The following ATF6 variants were observed in gnomAD, a reference collection of about 807,000 sequenced individuals.
ATF6 encodes the protein activating transcription factor 6.
Under a neutral mutation model 83.6 loss-of-function variants are expected in ATF6, and 53 were observed. That is an observed-to-expected ratio of 0.63 (90% CI 0.51 to 0.80). The LOEUF is 0.80. ATF6 is among the 30% of genes least tolerant of loss of function. The probability of loss-of-function intolerance (pLI) is 0.00; values close to 1 mark genes in which losing one functional copy is unlikely to be tolerated. For missense variants in ATF6, 744 were observed against 797.9 expected (o/e 0.93, Z 0.81); for synonymous variants, 288 against 285.8 (o/e 1.01, Z -0.08).
intron 7 of ATF6, among the ~76,000 whole-genome samples, chr1:161,814,757 T>G (rs1222062960): frequency 6.6e-6 from 1 of 152,094 alleles, no homozygotes; most frequent in Non-Finnish European, 1.5e-5. Context: ...ATGAGAAAAA[T>G]AAGTGTACGT....
chr1:161,813,717 AC>A (rs1327301175), intron 7 of ATF6, among the ~76,000 whole-genome samples: 1 of 152,106 alleles, frequency 6.6e-6, no homozygotes. Flanking sequence ...ATGTAAATAC[AC>A]CCTACAAGGT....
intron 15 of ATF6, among the ~76,000 whole-genome samples, chr1:161,913,959 T>A (rs952786742): frequency 6.6e-6 from 1 of 152,226 alleles, no homozygotes; most frequent in Non-Finnish European, 1.5e-5. Context: ...ACCAACAAGA[T>A]GCTGTTTGAC....
intron 1 of ATF6, among the ~76,000 whole-genome samples, chr1:161,776,316 G>A (rs781067237): frequency 1.6e-4 from 24 of 152,110 alleles, no homozygotes; most frequent in Admixed American, 9.8e-4. Context: ...GGGGCATGCT[G>A]GCATCTTTGC....
intron 14 of ATF6, among the ~76,000 whole-genome samples, chr1:161,906,658 T>A (rs2880056): frequency 0.15 from 22,217 of 152,198 alleles, 2,216 homozygotes; most frequent in East Asian, 0.33. Context: ...GTATTAAGTG[T>A]CAAAAGTTTC....
chr1:161,807,604 G>C (rs1277790631), intron 7 of ATF6, among the ~76,000 whole-genome samples: 2 of 152,022 alleles, frequency 1.3e-5, no homozygotes, highest in African/African-American at 2.4e-5. Context: ...CTGCTACCAG[G>C]GACTCTGCAA....
In ATF6 at chr1:161,958,592, T is replaced by C. The variant is rs1332899498; in HGVS notation, c.1951T>C (p.Ser651Pro). 6.2e-7 allele frequency: 1 copy of C among 1,613,290 alleles called. No homozygotes were observed. The change falls in exon 16 of 16, where the codon TCC becomes CCC. Residue 651 changes from serine to proline, a missense_variant. Coordinates refer to ENST00000367942, the MANE Select transcript of ATF6 (RefSeq NM_007348.4). ...QRNQTNTFFG[S>P]PPAATEATHV... ...GAATCAAACCAACACCTTCTTTGGC[T>C]CCCCTCCCGCAGCCACAGAGGCAAC...
intron 15 of ATF6, among the ~76,000 whole-genome samples, chr1:161,918,625 G>C (rs1235870925): frequency 6.6e-6 from 1 of 152,156 alleles, no homozygotes; most frequent in Admixed American, 6.5e-5. Flanking sequence ...ACATTGTGAG[G>C]CTATCCCTAA....
intron 10 of ATF6, among the ~76,000 whole-genome samples, chr1:161,849,152 G>T (rs1686554322): frequency 6.6e-6 from 1 of 152,136 alleles, no homozygotes; most frequent in Admixed American, 6.6e-5. Context: ...GTGTTAAGCA[G>T]CCTCCTCTTA....
intron 15 of ATF6, among the ~76,000 whole-genome samples, chr1:161,914,808 A>G (rs1203511938): frequency 1.3e-5 from 2 of 152,012 alleles, no homozygotes; most frequent in East Asian, 3.9e-4. Context: ...TCTTGTGAAC[A>G]CCCCTTACTT....
rs886115412 is a variant in ATF6 at position 161,959,627 on chromosome 1, G to C, written c.*973G>C. 1.5e-5 allele frequency: 2 copies of C among 132,428 alleles called. No individual in the cohort carries two copies. The highest frequency in any genetic ancestry group is 3.0e-5 in the Non-Finnish European group (2 of 65,596). The allele number at this position is 132,428 out of a possible 1,614,324, so 8.2% of individuals were successfully genotyped here. ...GGAGCTTGCAGTGAGCCGAGATCCC[G>C]CCACTGCACTCCAGCCTGGGCGACA... On this transcript the variant is annotated 3_prime_UTR_variant, in exon 16 of 16. Coordinates refer to ENST00000367942, the MANE Select transcript of ATF6 (RefSeq NM_007348.4).
intron 7 of ATF6, 82 bp downstream of exon 7, chr1:161,802,354 T>G (rs1253368231): frequency 7.3e-5 from 93 of 1,275,480 alleles, no homozygotes; most frequent in Non-Finnish European, 9.9e-5. Flanking sequence ...GTTGCCTTGT[T>G]TTTGTTTTTT....
chr1:161,868,213 T>G (rs1284122919), intron 14 of ATF6, among the ~76,000 whole-genome samples: 1 of 152,172 alleles, frequency 6.6e-6, no homozygotes, highest in Non-Finnish European at 1.5e-5. Context: ...AAGATCTGAT[T>G]GGGTAGTTCT....
At chr1:161,766,675 CTA>C (rs750517735) in intron 1 of ATF6, among the ~76,000 whole-genome samples, 5 of 152,178 alleles carry the variant, frequency 3.3e-5, no homozygotes, top group Non-Finnish European at 7.3e-5. Context: ...TCGTTTTTCA[CTA>C]TTCCCACTGG....
intron 13 of ATF6, among the ~76,000 whole-genome samples, chr1:161,860,560 A>AC (rs1686861902): frequency 6.6e-6 from 1 of 151,908 alleles, no homozygotes; most frequent in Non-Finnish European, 1.5e-5. Flanking sequence ...AATCTTGAAT[A>AC]CCCATAGCTT....
intron 14 of ATF6, 68 bp from the exon 15 acceptor site, chr1:161,912,228 C>T (rs1301763818): frequency 9.7e-7 from 1 of 1,026,684 alleles, no homozygotes; most frequent in Admixed American, 2.8e-5. Context: ...CTTAGAAGCC[C>T]TGAATTTGGC....
At chr1:161,890,416 G>C (rs1687523201) in intron 14 of ATF6, among the ~76,000 whole-genome samples, 2 of 152,346 alleles carry the variant, frequency 1.3e-5, no homozygotes, top group South Asian at 2.1e-4. Context: ...TTGCTCTGGA[G>C]ACCCCATTTG....
intron 7 of ATF6, among the ~76,000 whole-genome samples, chr1:161,813,206 T>TA (rs1203793115): frequency 2.0e-5 from 3 of 152,212 alleles, no homozygotes; most frequent in Non-Finnish European, 4.4e-5. Context: ...TTTTAAGATT[T>TA]AATTTTTAAA....
At chr1:161,955,834 T>C (rs945615669) in intron 15 of ATF6, among the ~76,000 whole-genome samples, 8 of 152,196 alleles carry the variant, frequency 5.3e-5, no homozygotes, top group Admixed American at 4.6e-4. Context: ...ATGCTGATAG[T>C]TTCCTTGGTC....
At chr1:161,850,358 C>T (rs1243063494) in intron 10 of ATF6, among the ~76,000 whole-genome samples, 1 of 152,072 alleles carries the variant, frequency 6.6e-6, no homozygotes, top group Non-Finnish European at 1.5e-5. Context: ...CTTTCCCCCA[C>T]CTGCCTCTTT....
Sources: allele counts gnomAD v4.1 joint callset (sites outside exome capture counted in the v4.1 genomes callset), GRCh38; gene constraint gnomAD v4.1.1; transcripts MANE v1.5; gene names NCBI Gene and HGNC (gene_info 2026-07-23, HGNC 2026-07-21).